PRKG1: variants seen among roughly 807,000 people sequenced by gnomAD.
The protein encoded by PRKG1 is cGMP-dependent protein kinase 1.
Under a neutral mutation model 88.1 loss-of-function variants are expected in PRKG1, and 35 were observed. The ratio of observed to expected loss-of-function variants is 0.40; its 90% confidence interval spans 0.30 to 0.53. PRKG1 has a LOEUF of 0.53. Among genes scored for constraint, PRKG1 ranks in the 20% least tolerant of loss-of-function variants. The probability of loss-of-function intolerance (pLI) is 0.59; values close to 1 mark genes in which losing one functional copy is unlikely to be tolerated. For missense variants in PRKG1, 540 were observed against 839.8 expected (o/e 0.64, Z 4.41); for synonymous variants, 303 against 292.5 (o/e 1.04, Z -0.37).
chr10:51,285,245 T>C lies in PRKG1; in HGVS notation c.478+131915T>C, dbSNP rs539992846. ...CCTAAGTTTTCATTGCACTGAACAA[T>C]GGGTTTCTAGTTGAAGGATGTATTC... On this transcript the variant is annotated intron_variant, in intron 2 of 17. Coordinates refer to ENST00000373980, the MANE Select transcript of PRKG1 (RefSeq NM_006258.4). Among the ~76,000 whole-genome samples the C allele has an allele frequency of 7.9e-5, 12 of 152,132 alleles. No individual in the cohort carries two copies. The South Asian group carries it at 2.5e-3, about 32-fold the overall frequency.
intron 2 of PRKG1, among the ~76,000 whole-genome samples, chr10:51,447,380 A>G (rs1839305202): frequency 6.6e-6 from 1 of 152,012 alleles, no homozygotes; most frequent in South Asian, 2.1e-4. Context: ...CACATGAACA[A>G]TCCCATGAAG....
intron 1 of PRKG1, among the ~76,000 whole-genome samples, chr10:50,992,463 G>T (rs566275602): frequency 1.6e-4 from 25 of 152,286 alleles, no homozygotes; most frequent in African/African-American, 5.3e-4. Flanking sequence ...CGTCAGCCCT[G>T]TCCCAAGGTG....
At chr10:51,209,642 T>G in intron 2 of PRKG1, among the ~76,000 whole-genome samples, 1 of 152,186 alleles carries the variant, frequency 6.6e-6, no homozygotes, top group East Asian at 1.9e-4. Flanking sequence ...GGAATATTAT[T>G]CTTGCTGCAT....
At chr10:51,381,582 T>C (rs932046153) in intron 2 of PRKG1, among the ~76,000 whole-genome samples, 2 of 152,196 alleles carry the variant, frequency 1.3e-5, no homozygotes, top group African/African-American at 4.8e-5. Context: ...ACTCAAAACT[T>C]TGGCCTTGAG....
At chr10:51,356,136 C>G (rs965485646) in intron 2 of PRKG1, among the ~76,000 whole-genome samples, 1 of 151,934 alleles carries the variant, frequency 6.6e-6, no homozygotes, top group Admixed American at 6.6e-5. Flanking sequence ...AGCTTTGCTA[C>G]TGTATTAGTG....
At chr10:51,979,422 T>TTTTG (rs1843942954) in intron 5 of PRKG1, among the ~76,000 whole-genome samples, 1 of 137,732 alleles carries the variant, frequency 7.3e-6, no homozygotes, top group Non-Finnish European at 1.6e-5. Context: ...TTTTTTTTTT[T>TTTTG]TTTTTTTTTT....
chr10:52,270,027 G>GA (rs11389552), intron 10 of PRKG1, among the ~76,000 whole-genome samples: 4,544 of 152,014 alleles, frequency 0.03, 299 homozygotes, highest in East Asian at 0.24. Context: ...TGTTTGAGAA[G>GA]AAAAACAAAC....
intron 1 of PRKG1, among the ~76,000 whole-genome samples, chr10:51,014,594 G>T (rs1843034283): frequency 1.3e-5 from 2 of 152,056 alleles, no homozygotes; most frequent in African/African-American, 4.8e-5. Flanking sequence ...GCACGTGCAG[G>T]TATCACAGGT....
intron 3 of PRKG1, among the ~76,000 whole-genome samples, chr10:51,523,256 A>G (rs1841784215): frequency 6.6e-6 from 1 of 152,172 alleles, no homozygotes; most frequent in Non-Finnish European, 1.5e-5. Flanking sequence ...GAGCATCTCT[A>G]CTTGTCAAAA....
chr10:51,186,180 A>G (rs974486649), intron 2 of PRKG1, among the ~76,000 whole-genome samples: 11 of 151,920 alleles, frequency 7.2e-5, no homozygotes, highest in African/African-American at 2.7e-4. Context: ...TCCAGGAATA[A>G]ATAAATTATA....
chr10:51,168,914 T>C (rs1846622875), intron 2 of PRKG1, among the ~76,000 whole-genome samples: 1 of 152,178 alleles, frequency 6.6e-6, no homozygotes. Context: ...GTATGAAAGG[T>C]ATCCTTGATA....
Position 51,198,660 on chromosome 10 carries a change from A to T in PRKG1, c.478+45330A>T, listed in dbSNP as rs369563756. Among the ~76,000 whole-genome samples the T allele has an allele frequency of 1.7e-4, 26 of 152,312 alleles. No individual in the cohort carries two copies. In the South Asian group the frequency reaches 4.6e-3, roughly 27 times the overall value. The stretch of plus-strand genomic sequence containing the variant: ...ACTCAGCTCAAAATTTCAGCAGCTG[A>T]TTATCCTGTTTACAGGTTATTGGAC... On this transcript the variant is annotated intron_variant, in intron 2 of 17. Coordinates refer to ENST00000373980, the MANE Select transcript of PRKG1 (RefSeq NM_006258.4).
intron 2 of PRKG1, among the ~76,000 whole-genome samples, chr10:51,263,019 C>T (rs920067847): frequency 6.6e-6 from 1 of 152,150 alleles, no homozygotes; most frequent in Non-Finnish European, 1.5e-5. Context: ...ATTCTTTCTT[C>T]TTCCTGAGAA....
intron 2 of PRKG1, among the ~76,000 whole-genome samples, chr10:51,259,863 A>G (rs889133312): frequency 6.6e-6 from 1 of 152,220 alleles, no homozygotes; most frequent in South Asian, 2.1e-4. Context: ...TGTATAAACT[A>G]TAAAAACATG....
chr10:51,199,036 G>T (rs556228043), intron 2 of PRKG1, among the ~76,000 whole-genome samples: 1 of 152,264 alleles, frequency 6.6e-6, no homozygotes, highest in African/African-American at 2.4e-5. Flanking sequence ...AGTGCAAAAA[G>T]GGTGACGAAC....
At chr10:51,795,251 C>A (rs1838978892) in intron 3 of PRKG1, among the ~76,000 whole-genome samples, 1 of 152,034 alleles carries the variant, frequency 6.6e-6, no homozygotes, top group Admixed American at 6.6e-5. Flanking sequence ...TCATTAATTA[C>A]AGGGCAGCCC....
chr10:52,278,053 C>T (rs1479371573), intron 12 of PRKG1, among the ~76,000 whole-genome samples: 4 of 152,148 alleles, frequency 2.6e-5, no homozygotes, highest in Admixed American at 6.6e-5. Context: ...AAAATTTTTG[C>T]AATCTATCCA....
chr10:51,931,172 C>T (rs1020855320), intron 5 of PRKG1, among the ~76,000 whole-genome samples: 1 of 152,198 alleles, frequency 6.6e-6, no homozygotes, highest in Non-Finnish European at 1.5e-5. Flanking sequence ...GTCTCTGGCA[C>T]ATCTGTCTGA....
chr10:51,949,267 A>C lies in PRKG1; in HGVS notation c.762+41697A>C, dbSNP rs558013921. On this transcript the variant is annotated intron_variant, in intron 5 of 17. Transcript: ENST00000373980. ...TGCATTTTTGAGGACTAGAATTGTG[A>C]GACAGGGCTTAATGGAAGGAATAAA... Among the ~76,000 whole-genome samples, 9 of 152,274 alleles carry C rather than the reference A, an allele frequency of 5.9e-5. No homozygotes were observed. In the South Asian group the frequency reaches 1.9e-3, roughly 32 times the overall value.
Sources: gnomAD v4.1 joint callset for allele counts (sites outside exome capture counted in the v4.1 genomes callset) on GRCh38, gnomAD v4.1.1 for gene constraint, MANE v1.5 for transcripts, NCBI Gene and HGNC (gene_info 2026-07-23, HGNC 2026-07-21) for gene names.